UBXN2A: variants seen among roughly 807,000 people sequenced by gnomAD.
UBXN2A encodes the protein UBX domain protein 2A.
Under a neutral mutation model 28.4 loss-of-function variants are expected in UBXN2A, and 28 were observed. The ratio of observed to expected loss-of-function variants is 0.99; its 90% CI spans 0.73 to 1.35. The LOEUF is 1.35. Ranked by LOEUF, UBXN2A falls within the 40% of genes most tolerant of loss-of-function variation. The pLI is 0.00. For missense variants in UBXN2A, 253 were observed against 297.9 expected (o/e 0.85, Z 1.11); for synonymous variants, 97 against 103.6 (o/e 0.94, Z 0.39).
chr2:23,961,386 G>C (rs1420884794), intron 2 of UBXN2A, among the ~76,000 whole-genome samples: 1 of 151,924 alleles, frequency 6.6e-6, no homozygotes, highest in East Asian at 1.9e-4. Context: ...GTGAGCCACC[G>C]TGCCTGGCCT....
At chr2:23,958,512 C>T (rs1210501305) in intron 2 of UBXN2A, among the ~76,000 whole-genome samples, 157 bp downstream of exon 2, 1 of 152,128 alleles carries the variant, frequency 6.6e-6, no homozygotes, top group Non-Finnish European at 1.5e-5. Context: ...TTTACCATAG[C>T]TGCATTAAAC....
chr2:24,004,224 T>C lies in UBXN2A; in HGVS notation c.*4357T>C, dbSNP rs1708762751. ...TGTATAATTATCAAAAGAGGTTGAC[T>C]TTGGAAAACAAACAATTTGCTAAGG... On this transcript the variant is annotated 3_prime_UTR_variant, in exon 7 of 7. Coordinates refer to ENST00000309033, the MANE Select transcript of UBXN2A (RefSeq NM_181713.4). 1.3e-5 allele frequency: 1 copy of C among 74,712 alleles called. No homozygotes were observed. Among genetic ancestry groups the C allele is most frequent in the Non-Finnish European group, 3.1e-5 (1 of 32,498 alleles). The allele number at this position is 74,712 out of a possible 1,614,324, so 4.6% of individuals were successfully genotyped here.
At chr2:23,974,016 A>ATTTT (rs71395170) in intron 3 of UBXN2A, among the ~76,000 whole-genome samples, 44 of 140,458 alleles carry the variant, frequency 3.1e-4, no homozygotes, top group Admixed American at 5.2e-4. Context: ...AAAATGATTA[A>ATTTT]TTTTTTTTTT....
At chr2:23,980,897 G>A (rs1214737296) in intron 4 of UBXN2A, among the ~76,000 whole-genome samples, 1 of 152,116 alleles carries the variant, frequency 6.6e-6, no homozygotes, top group Non-Finnish European at 1.5e-5. Context: ...ACAGTGCTGG[G>A]ATTACAGGCA....
intron 1 of UBXN2A, chr2:23,944,462 C>T (rs1259310013): frequency 1.5e-5 from 11 of 728,156 alleles, no homozygotes; most frequent in Non-Finnish European, 2.4e-5. Context: ...TGTTTAGATT[C>T]TTTTGCGCTT....
chr2:23,954,122 C>T (rs892147472), intron 1 of UBXN2A, among the ~76,000 whole-genome samples: 30 of 152,286 alleles, frequency 2.0e-4, no homozygotes, highest in African/African-American at 5.8e-4. Flanking sequence ...AAGTGATTCT[C>T]CTGCCTCAGC....
chr2:23,941,739 C>G (rs1463350110), intron 1 of UBXN2A, among the ~76,000 whole-genome samples: 2 of 152,144 alleles, frequency 1.3e-5, no homozygotes, highest in African/African-American at 4.8e-5. Context: ...CAGACTCTGC[C>G]TTTAGACTCT....
In UBXN2A at chr2:23,964,510, A is replaced by G. The variant is rs577628640; in HGVS notation, c.41+6155A>G. Among the ~76,000 whole-genome samples, 3 of 152,294 alleles carry G rather than the reference A, an allele frequency of 2.0e-5. No homozygotes were observed. The South Asian group carries it at 6.2e-4, about 32-fold the overall frequency. ...CAGGCGTGAGCCACCACGCTCGGCT[A>G]TTCAGTCTTGAGAAAGAAGGAAATT... On this transcript the variant is annotated intron_variant, in intron 2 of 6. Transcript: ENST00000309033.
upstream of UBXN2A, among the ~76,000 whole-genome samples, chr2:23,935,522 A>C (rs1417246448): frequency 6.6e-6 from 1 of 152,240 alleles, no homozygotes; most frequent in East Asian, 1.9e-4. Flanking sequence ...AGAAATGCAA[A>C]TCAAAACCAT....
At chr2:23,966,399 T>C (rs2150855313) in intron 2 of UBXN2A, among the ~76,000 whole-genome samples, 1 of 151,802 alleles carries the variant, frequency 6.6e-6, no homozygotes, top group East Asian at 1.9e-4. Flanking sequence ...CCTCCCAAAG[T>C]GCTAGGATTA....
At position 23,948,945 on chromosome 2, in the gene UBXN2A, C is replaced by CT. The variant is rs777506305; in HGVS notation, c.-15+8314dup. Among the ~76,000 whole-genome samples the CT allele has an allele frequency of 6.2e-3, 813 of 131,766 alleles. 14 individuals carry two copies. The highest frequency in any genetic ancestry group is 0.017 in the African/African-American group (603 of 36,116). 86.4% of individuals were successfully genotyped at this position (131,766 alleles called of 152,430 possible). ...CCTTTAAGTAAGACTTCTCTTGTAG[C>CT]TTTTTTTTTTTTTTTTTGAGACAGA... On this transcript the variant is annotated intron_variant, in intron 1 of 6. Coordinates refer to ENST00000309033, the MANE Select transcript of UBXN2A (RefSeq NM_181713.4).
At chr2:23,960,757 C>T (rs1024217155) in intron 2 of UBXN2A, among the ~76,000 whole-genome samples, 4 of 152,022 alleles carry the variant, frequency 2.6e-5, no homozygotes, top group East Asian at 1.9e-4. Context: ...CTCAGCCTCC[C>T]GAGTGGCTGA....
In UBXN2A at chr2:23,994,584, G is replaced by A. The variant is rs1174796218; in HGVS notation, c.585-5088G>A. ...TCTGGTCTGTTAAATACATGTGTTGGAATTCTTACTTTCAATTCTACTGTC... is the reference window on the plus strand; with the variant it reads ...TCTGGTCTGTTAAATACATGTGTTGAAATTCTTACTTTCAATTCTACTGTC... On this transcript the variant is annotated intron_variant, in intron 6 of 6. Coordinates refer to ENST00000309033, the MANE Select transcript of UBXN2A (RefSeq NM_181713.4). 2.0e-5 allele frequency among the ~76,000 whole-genome samples: 3 copies of A among 152,072 alleles called. No homozygotes were observed. In the South Asian group the frequency reaches 6.2e-4, roughly 32 times the overall value.
At position 23,982,904 on chromosome 2, in the gene UBXN2A, C is replaced by G. The variant is rs368498818; in HGVS notation, c.296C>G (p.Pro99Arg). 3.8e-6 allele frequency: 6 copies of G among 1,599,632 alleles called. No homozygotes were observed. The highest frequency in any genetic ancestry group is 5.1e-6 in the Non-Finnish European group (6 of 1,173,848). The change falls in exon 5 of 7, where the codon CCT becomes CGT. Residue 99 changes from proline (P) to arginine (R), a missense_variant. By Grantham distance (103) the Pro-to-Arg change is moderately radical. Transcript: ENST00000309033. ...FLNSIKKGELPSELQGIFDKE... is the reference protein window; with the variant it reads ...FLNSIKKGELRSELQGIFDKE... ...TTTCTTTGTTTTCCAAGGGAATTAC[C>G]TTCAGAATTACAGGGAATTTTTGAT...
chr2:23,962,138 G>A (rs187082545), intron 2 of UBXN2A, among the ~76,000 whole-genome samples: 160 of 152,186 alleles, frequency 1.1e-3, no homozygotes, highest in African/African-American at 3.7e-3. Flanking sequence ...GAGCCACCGC[G>A]CCCAGCCAAA....
At position 24,001,477 on chromosome 2, in the gene UBXN2A, C is replaced by G. The variant is rs941220280; in HGVS notation, c.*1610C>G. The G allele has an allele frequency of 7.2e-5, 11 of 151,782 alleles. No homozygotes were observed. Among genetic ancestry groups the G allele is most frequent in the Non-Finnish European group, 1.2e-4 (8 of 67,954 alleles). The allele number at this position is 151,782 out of a possible 1,614,324, so 9.4% of individuals were successfully genotyped here. ...TTTAACATTTTTTTTTGCAAATGAT[C>G]TATTGAATCAGATTTAAAATGAAGC... On this transcript the variant is annotated 3_prime_UTR_variant, in exon 7 of 7. Coordinates refer to ENST00000309033, the MANE Select transcript of UBXN2A (RefSeq NM_181713.4).
chr2:23,936,065 A>G (rs527795025), upstream of UBXN2A, among the ~76,000 whole-genome samples: 1 of 152,206 alleles, frequency 6.6e-6, no homozygotes, highest in East Asian at 1.9e-4. Context: ...TAAATAAATT[A>G]AATTAATAAA....
chr2:23,981,474 T>G (rs534962883), intron 4 of UBXN2A, among the ~76,000 whole-genome samples: 20 of 42,700 alleles, frequency 4.7e-4, no homozygotes, highest in Non-Finnish European at 7.7e-4. Flanking sequence ...TGAGCTCCTA[T>G]CTAAAAAAAA....
At chr2:23,971,236 C>G (rs374267418) in intron 2 of UBXN2A, 40 bp from the exon 3 acceptor site, 4 of 1,487,118 alleles carry the variant, frequency 2.7e-6, no homozygotes, top group Non-Finnish European at 3.6e-6. Context: ...TTTTAGAGAC[C>G]TAATAGTTAA....
Sources: gnomAD v4.1 joint callset for allele counts (sites outside exome capture counted in the v4.1 genomes callset) on GRCh38, gnomAD v4.1.1 for gene constraint, MANE v1.5 for transcripts, NCBI Gene and HGNC (gene_info 2026-07-23, HGNC 2026-07-21) for gene names.